PABPC1L: variants seen among roughly 807,000 people sequenced by gnomAD.
The protein encoded by PABPC1L is poly(A) binding protein cytoplasmic 1 like.
In PABPC1L, 31 loss-of-function variants were observed where a neutral mutation model predicts 66.6. The observed-to-expected ratio is 0.47, with a 90% CI of 0.35 to 0.63. PABPC1L has a LOEUF of 0.63. PABPC1L is among the 20% of genes least tolerant of loss of function. PABPC1L has a pLI of 0.00. For synonymous variants in PABPC1L, 348 were observed against 335.1 expected, an observed-to-expected ratio of 1.04 and a Z score of -0.42; for missense variants, 722 against 848.8, an observed-to-expected ratio of 0.85 and a Z score of 1.86.
At chr20:44,924,305 C>A in intron 7 of PABPC1L, 49 bp downstream of exon 7, 1 of 1,415,752 alleles carries the variant, frequency 7.1e-7, no homozygotes, top group Non-Finnish European at 1.0e-6. Context: ...TCCATCCTCT[C>A]ACCACCATCC....
intron 3 of PABPC1L, among the ~76,000 whole-genome samples, chr20:44,917,210 T>C (rs2066743720): frequency 6.6e-6 from 1 of 152,078 alleles, no homozygotes; most frequent in South Asian, 2.1e-4. Flanking sequence ...TGTGACAGGG[T>C]CTTGCTATGT....
At chr20:44,927,182 G>A (rs960615089) in intron 7 of PABPC1L, among the ~76,000 whole-genome samples, 2 of 151,914 alleles carry the variant, frequency 1.3e-5, no homozygotes, top group African/African-American at 4.8e-5. Flanking sequence ...CACTGCATCT[G>A]GCCTGTATTT....
chr20:44,935,610 C>G (rs2066895689), intron 11 of PABPC1L, 113 bp downstream of exon 11: 1 of 779,342 alleles, frequency 1.3e-6, no homozygotes, highest in African/African-American at 1.7e-5. Context: ...TGTAAAGTTT[C>G]GTTTATTAAT....
In PABPC1L at chr20:44,919,230, C is replaced by T. The variant is rs764642979; in HGVS notation, c.691C>T (p.Arg231Trp). The change falls in exon 5 of 15, where the codon CGG becomes TGG. Residue 231 changes from arginine (R) to tryptophan (W), a missense_variant. Physicochemically the swap from Arg to Trp is moderately radical, Grantham distance 101 (BLOSUM62 -3). Transcript: ENST00000217073. The stretch of plus-strand genomic sequence containing the variant: ...GATGAGGGACAACAGCGGCCACTCG[C>T]GGTGCTTTGGCTTTGTCAACTTTGA... ...KVMRDNSGHS[R>W]CFGFVNFEKH... 6.2e-6 allele frequency: 10 copies of T among 1,614,062 alleles called. No individual in the cohort carries two copies. The highest frequency in any genetic ancestry group is 2.7e-5 in the African/African-American group (2 of 74,908).
Position 44,933,198 on chromosome 20 carries a change from A to G in PABPC1L, c.1459+13A>G. On this transcript the variant is annotated intron_variant, in intron 10 of 14. Coordinates refer to ENST00000217073, the MANE Select transcript of PABPC1L (RefSeq NM_001372179.1). ...ACCCAGAGAGTAGGTGAGTGTGGGT[A>G]GGGCCAAGGGGAATGGGGGTGGGGC... The G allele has an allele frequency of 6.3e-7, 1 of 1,588,708 alleles. No homozygotes were observed. The highest frequency in any genetic ancestry group is 8.6e-7 in the Non-Finnish European group (1 of 1,167,434).
chr20:44,919,085 TC>T lies in PABPC1L; in HGVS notation c.643+42del. 1.9e-6 allele frequency: 3 copies of T among 1,611,592 alleles called. No homozygotes were observed. The South Asian group carries it at 3.3e-5, about 18-fold the overall frequency. ...AAGGGAGCGGGGGGATCACTGTTTTTCCTCTTCCCTTCCAAAGTCTGGTAGG... is the reference window on the plus strand; with the variant it reads ...AAGGGAGCGGGGGGATCACTGTTTTTCTCTTCCCTTCCAAAGTCTGGTAGG... On this transcript the variant is annotated intron_variant, in intron 4 of 14. Transcript: ENST00000217073.
chr20:44,932,514 C>T, intron 9 of PABPC1L, 82 bp downstream of exon 9: 1 of 1,264,046 alleles, frequency 7.9e-7, no homozygotes, highest in African/African-American at 1.5e-5. Context: ...GGGATGAAAC[C>T]TGGCTCTGCC....
Position 44,936,621 on chromosome 20 carries a change from C to G in PABPC1L, c.1567-16C>G. On this transcript the variant is annotated splice_polypyrimidine_tract_variant and intron_variant, in intron 11 of 14. Coordinates refer to ENST00000217073, the MANE Select transcript of PABPC1L (RefSeq NM_001372179.1). The stretch of plus-strand genomic sequence containing the variant: ...TGTCCATGGTGATTAAGGGATGTGT[C>G]CCCGGCACCATGCAGGTCCAGGAGC... The G allele has an allele frequency of 3.8e-6, 6 of 1,567,044 alleles. No homozygotes were observed. The highest frequency in any genetic ancestry group is 5.2e-6 in the Non-Finnish European group (6 of 1,155,296).
At chr20:44,931,058 C>CCTT (rs2066853293) in intron 8 of PABPC1L, among the ~76,000 whole-genome samples, 1 of 9,658 alleles carries the variant, frequency 1.0e-4, no homozygotes. Context: ...CCCTTCCCTT[C>CCTT]CCTTCCCTCC....
Position 44,916,781 on chromosome 20 carries a change from G to C in PABPC1L, c.413G>C (p.Arg138Pro). ...CKVACDEHGSRGFGFVHFETH... is the reference protein window; with the variant it reads ...CKVACDEHGSPGFGFVHFETH... ...GTGGCGTGTGACGAGCATGGCTCCC[G>C]GGGTTTCGGCTTTGTCCATTTTGAG... The change falls in exon 3 of 15, where the codon CGG becomes CCG. Residue 138 changes from arginine (R) to proline (P), a missense_variant. Physicochemically the swap from Arg to Pro is moderately radical, Grantham distance 103 (BLOSUM62 -2). Around this residue, in one of 3 missense-constraint regions of PABPC1L, gnomAD observed 284 missense variants for 294.8 expected, o/e 0.96. Coordinates refer to ENST00000217073, the MANE Select transcript of PABPC1L (RefSeq NM_001372179.1). 3.7e-6 allele frequency: 6 copies of C among 1,614,162 alleles called. No homozygotes were observed. The highest frequency in any genetic ancestry group is 5.1e-6 in the Non-Finnish European group (6 of 1,180,018).
Position 44,933,065 on chromosome 20 carries a change from C to A in PABPC1L, c.1339C>A (p.Pro447Thr). The change falls in exon 10 of 15, where the codon CCT becomes ACT. Residue 447 changes from proline (P) to threonine (T), a missense_variant. Physicochemically the swap from Pro to Thr is conservative, Grantham distance 38. Transcript: ENST00000217073. ...SQPPRPSSAYPPGASMVRPPV... is the reference protein window; with the variant it reads ...SQPPRPSSAYTPGASMVRPPV... Reference sequence around the variant, plus strand: ...GGTGTCTGCACCACAAGCTGCCTACCCTCCAGGTGCCTCAATGGTCCGGCC... The same window carrying A: ...GGTGTCTGCACCACAAGCTGCCTACACTCCAGGTGCCTCAATGGTCCGGCC... 1 of 1,583,278 alleles carries A rather than the reference C, an allele frequency of 6.3e-7. No individual in the cohort carries two copies. The highest frequency in any genetic ancestry group is 1.8e-5 in the Admixed American group (1 of 54,244).
chr20:44,918,758 G>A, intron 3 of PABPC1L, 148 bp from the exon 4 acceptor site: 1 of 851,002 alleles, frequency 1.2e-6, no homozygotes, highest in East Asian at 2.7e-5. Context: ...CGGGCCTTGG[G>A]GATGTTCTAA....
intron 11 of PABPC1L, among the ~76,000 whole-genome samples, chr20:44,935,791 A>C (rs1047804492): frequency 2.0e-5 from 3 of 152,214 alleles, no homozygotes; most frequent in African/African-American, 7.2e-5. Flanking sequence ...TGATTATTGA[A>C]GGGATGTACT....
intron 2 of PABPC1L, among the ~76,000 whole-genome samples, chr20:44,913,183 A>G (rs1326677467): frequency 6.6e-6 from 1 of 152,134 alleles, no homozygotes; most frequent in South Asian, 2.1e-4. Flanking sequence ...GTTCCCTCCT[A>G]TGCCCACTGA....
At chr20:44,922,228 C>T (rs756406575) in intron 6 of PABPC1L, among the ~76,000 whole-genome samples, 1 of 152,044 alleles carries the variant, frequency 6.6e-6, no homozygotes, top group Non-Finnish European at 1.5e-5. Flanking sequence ...GGGAAGTGAA[C>T]CCCTCTAAGA....
chr20:44,921,819 A>G (rs935574796), intron 6 of PABPC1L, 88 bp downstream of exon 6: 10 of 1,576,010 alleles, frequency 6.3e-6, no homozygotes, highest in Non-Finnish European at 8.6e-6. Flanking sequence ...TCTTCTAGTG[A>G]TCCTACTTCT....
At chr20:44,916,518 C>T (rs1349305149) in intron 2 of PABPC1L, among the ~76,000 whole-genome samples, 1 of 152,192 alleles carries the variant, frequency 6.6e-6, no homozygotes, top group African/African-American at 2.4e-5. Flanking sequence ...AAGTGATATG[C>T]CCACCTCGGC....
At position 44,933,188 on chromosome 20, in the gene PABPC1L, G is replaced by A; in HGVS notation, c.1459+3G>A. 6.3e-7 allele frequency: 1 copy of A among 1,599,296 alleles called. No individual in the cohort carries two copies. The highest frequency in any genetic ancestry group is 8.5e-7 in the Non-Finnish European group (1 of 1,173,510). On this transcript the variant is annotated splice_donor_region_variant and intron_variant, in intron 10 of 14. Coordinates refer to ENST00000217073, the MANE Select transcript of PABPC1L (RefSeq NM_001372179.1). The stretch of plus-strand genomic sequence containing the variant: ...GGTGCCTCATACCCAGAGAGTAGGT[G>A]AGTGTGGGTAGGGCCAAGGGGAATG...
chr20:44,937,080 G>C, intron 12 of PABPC1L: 1 of 466,826 alleles, frequency 2.1e-6, no homozygotes, highest in Non-Finnish European at 4.3e-6. Flanking sequence ...GGGGGTTAAA[G>C]TTCCTCACAC....
Sources: allele counts gnomAD v4.1 joint callset (sites outside exome capture counted in the v4.1 genomes callset), GRCh38; gene constraint gnomAD v4.1.1; regional missense constraint gnomAD v4.1.1; transcripts MANE v1.5; gene names NCBI Gene and HGNC (gene_info 2026-07-23, HGNC 2026-07-21).